Variants in RANGAP1 observed in about 807,000 individuals in gnomAD.
RANGAP1 encodes the protein ran GTPase-activating protein 1.
RANGAP1 carries 38 observed loss-of-function variants against 63.5 expected under a neutral mutation model. The observed-to-expected ratio is 0.60, with a 90% CI of 0.46 to 0.78. The LOEUF (loss-of-function observed/expected upper bound fraction) is 0.78. Ranked by LOEUF, RANGAP1 falls within the 30% of genes least tolerant of loss-of-function variation. The pLI, the probability that RANGAP1 is intolerant of heterozygous loss-of-function variation, is 0.00. For synonymous variants in RANGAP1, 329 were observed against 310.5 expected (o/e 1.06, Z -0.63); for missense variants, 630 against 740.3 (o/e 0.85, Z 1.73).
At chr22:41,301,096 T>A in the RANGAP1 span, among the ~76,000 whole-genome samples, 2 of 152,170 alleles carry the variant, frequency 1.3e-5, no homozygotes, top group African/African-American at 4.8e-5. Flanking sequence ...ATATTTTTTT[T>A]AACATCCTAT....
intron 13 of RANGAP1, 67 bp from the exon 14 acceptor site, chr22:41,249,884 G>A (rs1379435055): frequency 7.6e-6 from 11 of 1,446,542 alleles, no homozygotes; most frequent in Non-Finnish European, 1.1e-5. Flanking sequence ...GGCACCCAGG[G>A]TTCCCCCAAC....
the RANGAP1 span, among the ~76,000 whole-genome samples, chr22:41,297,686 CTTTTT>C: frequency 3.2e-5 from 3 of 93,366 alleles, no homozygotes; most frequent in African/African-American, 7.9e-5. Flanking sequence ...CCACACCTGG[CTTTTT>C]TTTTTTTTTT....
Position 41,249,455 on chromosome 22 carries a change from A to T in RANGAP1, c.1573-4T>A. 6.2e-7 allele frequency: 1 copy of T among 1,613,480 alleles called. No individual in the cohort carries two copies. The highest frequency in any genetic ancestry group is 8.5e-7 in the Non-Finnish European group (1 of 1,179,938). ...TGGCCTTGACCTTGTCTTCACTCTG[A>T]GAGGAACACAGCGAAAAGCGGGGTG... On this transcript the variant is annotated splice_polypyrimidine_tract_variant and splice_region_variant and intron_variant, in intron 14 of 15. Transcript: ENST00000356244.
At chr22:41,294,963 A>T in the RANGAP1 span, among the ~76,000 whole-genome samples, 4 of 105,696 alleles carry the variant, frequency 3.8e-5, no homozygotes, top group Non-Finnish European at 7.8e-5. Flanking sequence ...CAGCCGCCCC[A>T]TCTGGGAGGG....
At chr22:41,251,912 T>C (rs1198311538) in intron 12 of RANGAP1, among the ~76,000 whole-genome samples, 2 of 152,200 alleles carry the variant, frequency 1.3e-5, no homozygotes, top group African/African-American at 4.8e-5. Context: ...ATCTGATTTA[T>C]CATGTTAAAA....
chr22:41,256,140 T>A lies in RANGAP1; in HGVS notation c.989-35A>T, dbSNP rs769798694. ...GGGAGGGAAGAGCAGTCAGCCGGGGTGCCAGGGCCAGCCTAGCAGACCTGT... is the reference window on the plus strand; with the variant it reads ...GGGAGGGAAGAGCAGTCAGCCGGGGAGCCAGGGCCAGCCTAGCAGACCTGT... On this transcript the variant is annotated intron_variant, in intron 9 of 15. Coordinates refer to ENST00000356244, the MANE Select transcript of RANGAP1 (RefSeq NM_002883.4). The A allele has an allele frequency of 3.7e-6, 6 of 1,613,880 alleles. No homozygotes were observed. In the South Asian group the frequency reaches 6.6e-5, roughly 18 times the overall value.
chr22:41,302,007 G>T, the RANGAP1 span, among the ~76,000 whole-genome samples: 1 of 152,152 alleles, frequency 6.6e-6, no homozygotes, highest in Non-Finnish European at 1.5e-5. The surrounding 1 kb of genome is among the most constrained non-coding windows in gnomAD (Gnocchi z 5.7). Flanking sequence ...CGGTCCCCGT[G>T]CCCTGCCCCA....
At chr22:41,252,254 A>G (rs556066700) in intron 12 of RANGAP1, among the ~76,000 whole-genome samples, 30 of 152,322 alleles carry the variant, frequency 2.0e-4, no homozygotes, top group African/African-American at 5.8e-4. Context: ...GTGAGCCGAG[A>G]TCGTGCCACT....
chr22:41,256,369 C>T lies in RANGAP1; in HGVS notation c.889-79G>A, dbSNP rs1187117947. ...GGTTCTACTCTAAGCCTCAGTTTCC[C>T]CAAGTGAGGATATGGCAGGCTCTGT... On this transcript the variant is annotated intron_variant, in intron 8 of 15. Coordinates refer to ENST00000356244, the MANE Select transcript of RANGAP1 (RefSeq NM_002883.4). 5 of 1,408,228 alleles carry T rather than the reference C, an allele frequency of 3.6e-6. No individual in the cohort carries two copies. The Admixed American group carries it at 7.3e-5, about 21-fold the overall frequency. 87.2% of individuals were successfully genotyped at this position (1,408,228 alleles called of 1,614,324 possible).
At position 41,260,703 on chromosome 22, in the gene RANGAP1, C is replaced by T. The variant is rs547659568; in HGVS notation, c.615+743G>A. On this transcript the variant is annotated intron_variant, in intron 6 of 15. Transcript: ENST00000356244. ...CTCTAATAAAAATACAAAAATTAGC[C>T]GGGTGTGGTGGCGGGTGCCCGTAAT... is the stretch of plus-strand genomic sequence containing the variant. Among the ~76,000 whole-genome samples the T allele has an allele frequency of 1.5e-3, 235 of 152,170 alleles. 1 individual carries two copies. Among genetic ancestry groups the T allele is most frequent in the Middle Eastern group, 6.8e-3 (2 of 294 alleles).
At chr22:41,259,974 C>A (rs924412513) in intron 6 of RANGAP1, among the ~76,000 whole-genome samples, 8 of 151,828 alleles carry the variant, frequency 5.3e-5, no homozygotes, top group Non-Finnish European at 1.0e-4. Context: ...CCGTTGTACT[C>A]CAGCCTGGGC....
At chr22:41,285,599 G>A (rs2035712502) in intron 1 of RANGAP1, 4 of 985,320 alleles carry the variant, frequency 4.1e-6, no homozygotes, top group Non-Finnish European at 4.8e-6. Flanking sequence ...TGGGCCTGCT[G>A]GGAGGTGGCT....
chr22:41,290,158 A>AAG (rs1217806089), upstream of RANGAP1, among the ~76,000 whole-genome samples: 305 of 138,660 alleles, frequency 2.2e-3, 2 homozygotes, highest in African/African-American at 5.9e-3. Context: ...AAAAAAAAAA[A>AAG]AGAGAGAGAG....
In RANGAP1 at chr22:41,257,951, G is replaced by C. The variant is rs772719098; in HGVS notation, c.771C>G (p.Ala257=). 6.2e-7 allele frequency: 1 copy of C among 1,602,190 alleles called. No homozygotes were observed. Among genetic ancestry groups the C allele is most frequent in the Non-Finnish European group, 8.5e-7 (1 of 1,172,548 alleles). Residue 257 remains alanine (A), a synonymous_variant, in exon 7 of 16, where the codon GCC becomes GCG. Transcript: ENST00000356244. The surrounding 1 kb of genome is among the most constrained non-coding windows in gnomAD (Gnocchi z 4.0). ...GGCTCTGCCACACTCGCCTCACCTCGGCCATGGCCACGGCGCCCTTCTCAG... is the reference window on the plus strand; with the variant it reads ...GGCTCTGCCACACTCGCCTCACCTCCGCCATGGCCACGGCGCCCTTCTCAG... The part of the protein sequence containing the change: ...TFTEKGAVAM[A]ETLKTLRQVE...
chr22:41,280,241 A>T (rs1473123232), intron 2 of RANGAP1, among the ~76,000 whole-genome samples: 1 of 152,220 alleles, frequency 6.6e-6, no homozygotes, highest in African/African-American at 2.4e-5. Flanking sequence ...CTGCCTACAC[A>T]ACATGACAAC....
At position 41,252,892 on chromosome 22, in the gene RANGAP1, A is replaced by G. The variant is rs1342521872; in HGVS notation, c.1360T>C (p.Ser454Pro). ...ATTACCTGCTGGGCTATCAGCACGGAGCTCTTGGGCCCTAGGCGCAGCAGC... is the reference window on the plus strand; with the variant it reads ...ATTACCTGCTGGGCTATCAGCACGGGGCTCTTGGGCCCTAGGCGCAGCAGC... Reference protein sequence around the residue: ...EKLLRLGPKSSVLIAQQTDTS... With the variant: ...EKLLRLGPKSPVLIAQQTDTS... Residue 454 changes from serine to proline, a missense_variant, in exon 12 of 16, where the codon TCC becomes CCC. Coordinates refer to ENST00000356244, the MANE Select transcript of RANGAP1 (RefSeq NM_002883.4). The G allele has an allele frequency of 6.3e-7, 1 of 1,574,824 alleles. No homozygotes were observed. Among genetic ancestry groups the G allele is most frequent in the Non-Finnish European group, 8.6e-7 (1 of 1,162,234 alleles).
At chr22:41,252,099 G>A (rs2033493556) in intron 12 of RANGAP1, among the ~76,000 whole-genome samples, 1 of 152,100 alleles carries the variant, frequency 6.6e-6, no homozygotes, top group Admixed American at 6.6e-5. Flanking sequence ...TTGGGAGGCC[G>A]AGGTGGGTGG....
chr22:41,301,544 GTGC>G, the RANGAP1 span: 1 of 152,198 alleles, frequency 6.6e-6, no homozygotes, highest in African/African-American at 2.4e-5. Context: ...CCTCCAGCGG[GTGC>G]TGCCGCGAGC....
chr22:41,248,728 TG>T (rs1601582397), intron 15 of RANGAP1, among the ~76,000 whole-genome samples: 2 of 152,218 alleles, frequency 1.3e-5, no homozygotes, highest in Admixed American at 6.5e-5. Flanking sequence ...CCCTCCCTGG[TG>T]GGGCCTTGCC....
Sources: allele counts gnomAD v4.1 joint callset (sites outside exome capture counted in the v4.1 genomes callset), GRCh38; gene constraint gnomAD v4.1.1; non-coding constraint Gnocchi (gnomAD v3.1); transcripts MANE v1.5; gene names NCBI Gene and HGNC (gene_info 2026-07-23, HGNC 2026-07-21).